The following PEX14 variants were observed in gnomAD, a reference collection of about 807,000 sequenced individuals.
The protein encoded by PEX14 is peroxisomal biogenesis factor 14.
PEX14 carries 15 observed loss-of-function variants against 49.5 expected under a neutral mutation model. The ratio of observed to expected loss-of-function variants is 0.30; its 90% confidence interval spans 0.20 to 0.47. The LOEUF is 0.47. Among genes scored for constraint, PEX14 ranks in the 20% least tolerant of loss-of-function variants. PEX14 has a pLI of 1.00. For missense variants in PEX14, 398 were observed against 494.8 expected (o/e 0.80, Z 1.86); for synonymous variants, 210 against 212.7 (o/e 0.99, Z 0.11).
In PEX14 at chr1:10,476,752, A is replaced by G. The variant is rs574922551; in HGVS notation, c.36+1750A>G. ...GTGATCTGCCCGCCTCAGCCTCCCA[A>G]AGTGCTGAGATTATATGCGTGAGCC... On this transcript the variant is annotated intron_variant, in intron 1 of 8. Coordinates refer to ENST00000356607, the MANE Select transcript of PEX14 (RefSeq NM_004565.3). Among the ~76,000 whole-genome samples the G allele has an allele frequency of 5.5e-4, 84 of 152,158 alleles. No homozygotes were observed. In the Middle Eastern group the frequency reaches 0.01, roughly 18 times the overall value.
intron 2 of PEX14, among the ~76,000 whole-genome samples, chr1:10,505,583 G>A (rs1283429782): frequency 6.6e-6 from 1 of 151,944 alleles, no homozygotes; most frequent in Non-Finnish European, 1.5e-5. Context: ...CCACCGTGTT[G>A]GCCAGGCTGG....
rs1641687369 is a variant in PEX14 at position 10,624,444 on chromosome 1, G to A, written c.585+7G>A. 4 of 1,588,108 alleles carry A rather than the reference G, an allele frequency of 2.5e-6. No individual in the cohort carries two copies. The highest frequency in any genetic ancestry group is 3.5e-6 in the Non-Finnish European group (4 of 1,156,836). On this transcript the variant is annotated splice_region_variant and intron_variant, in intron 7 of 8. Transcript: ENST00000356607. The stretch of plus-strand genomic sequence containing the variant: ...CGAGCTGGCCGCTGCCAAGGTACCT[G>A]TCTCTGCTGCACAGGGCCCTCCAGG...
Position 10,494,991 on chromosome 1 carries a change from C to A in PEX14, c.37-283C>A. 1 of 435,420 alleles carries A rather than the reference C, an allele frequency of 2.3e-6. No homozygotes were observed. The highest frequency in any genetic ancestry group is 3.1e-6 in the Non-Finnish European group (1 of 327,202). 27.0% of individuals were successfully genotyped at this position (435,420 alleles called of 1,614,324 possible). ...GGGATGGTCCCCAGCCCTTGCTGCTCAGTAGGTGATCGTGGGCCTTCCTGA... is the reference window on the plus strand; with the variant it reads ...GGGATGGTCCCCAGCCCTTGCTGCTAAGTAGGTGATCGTGGGCCTTCCTGA... On this transcript the variant is annotated intron_variant, in intron 1 of 8. Transcript: ENST00000356607. This position sits in a 1 kb window ranked among gnomAD's most constrained non-coding sequence, Gnocchi z 4.3.
intron 5 of PEX14, 25 bp downstream of exon 5, chr1:10,618,442 G>GGGCACAGCACC: frequency 1.3e-6 from 2 of 1,564,586 alleles, no homozygotes; most frequent in Non-Finnish European, 1.8e-6. Context: ...GCGGCTGCAG[G>GGGCACAGCACC]TGCTGTGCCC....
chr1:10,617,848 A>C (rs1570358395), intron 4 of PEX14, among the ~76,000 whole-genome samples: 1 of 146,692 alleles, frequency 6.8e-6, no homozygotes, highest in African/African-American at 2.5e-5. Context: ...CCGTGCCCCC[A>C]CCCAGCGTAC....
chr1:10,503,723 TTTTTCTTTTTTCTTTTC>T (rs1641729189), intron 2 of PEX14, among the ~76,000 whole-genome samples: 1 of 151,642 alleles, frequency 6.6e-6, no homozygotes, highest in African/African-American at 2.4e-5. Context: ...AGGATAACCT[TTTTTCTTTTTTCTTTTC>T]TTTTCTTTTT....
At chr1:10,503,409 G>A (rs1290444948) in intron 2 of PEX14, among the ~76,000 whole-genome samples, 2 of 151,092 alleles carry the variant, frequency 1.3e-5, no homozygotes, top group African/African-American at 4.9e-5. Flanking sequence ...CAAACTGGGG[G>A]CTTTTAGATT....
intron 3 of PEX14, 78 bp downstream of exon 3, chr1:10,536,375 C>A: frequency 1.1e-6 from 1 of 923,066 alleles, no homozygotes; most frequent in Non-Finnish European, 1.8e-6. Flanking sequence ...CGGTGCAAGG[C>A]AGGTGCTGAG....
intron 1 of PEX14, among the ~76,000 whole-genome samples, chr1:10,491,902 C>T (rs1468905425): frequency 6.6e-6 from 1 of 152,000 alleles, no homozygotes; most frequent in Non-Finnish European, 1.5e-5. Context: ...AGGCTCATCT[C>T]TAACTCCCGG....
At chr1:10,561,222 T>C (rs1400846697) in intron 3 of PEX14, among the ~76,000 whole-genome samples, 1 of 152,234 alleles carries the variant, frequency 6.6e-6, no homozygotes, top group Non-Finnish European at 1.5e-5. Flanking sequence ...ACTAATTCCA[T>C]AAGATCATCT....
chr1:10,499,849 T>A (rs184911318), intron 2 of PEX14, among the ~76,000 whole-genome samples: 50 of 152,328 alleles, frequency 3.3e-4, no homozygotes, highest in African/African-American at 1.0e-3. Context: ...AAAATAAAGA[T>A]GCTCTGCAGT....
chr1:10,491,670 GCTC>G (rs1641476125), intron 1 of PEX14, among the ~76,000 whole-genome samples: 1 of 132,996 alleles, frequency 7.5e-6, no homozygotes, highest in Non-Finnish European at 1.6e-5. Flanking sequence ...ACTTGGCCAT[GCTC>G]CTTTTTTTTT....
At chr1:10,544,010 G>A (rs528766415) in intron 3 of PEX14, among the ~76,000 whole-genome samples, 17 of 152,312 alleles carry the variant, frequency 1.1e-4, no homozygotes, top group African/African-American at 3.1e-4. Flanking sequence ...TGCTGAGTCC[G>A]TCTTCAGGTG....
At chr1:10,488,488 A>T (rs907435016) in intron 1 of PEX14, among the ~76,000 whole-genome samples, 20 of 149,708 alleles carry the variant, frequency 1.3e-4, no homozygotes, top group Admixed American at 1.1e-3. Context: ...TATACTTTTC[A>T]TGTCTAGAAA....
intron 3 of PEX14, among the ~76,000 whole-genome samples, chr1:10,564,027 G>A (rs1639732674): frequency 6.6e-6 from 1 of 151,936 alleles, no homozygotes; most frequent in East Asian, 1.9e-4. Flanking sequence ...GCAGCTTTTA[G>A]ATTTTTTTCT....
At chr1:10,487,259 T>C (rs1028141622) in intron 1 of PEX14, among the ~76,000 whole-genome samples, 1 of 151,692 alleles carries the variant, frequency 6.6e-6, no homozygotes, top group African/African-American at 2.4e-5. Context: ...ATAGTTTTTT[T>C]GTATGTGGAT....
chr1:10,504,442 A>G (rs1641743635), intron 2 of PEX14, among the ~76,000 whole-genome samples: 1 of 152,226 alleles, frequency 6.6e-6, no homozygotes, highest in African/African-American at 2.4e-5. Flanking sequence ...TACCCCTGTC[A>G]GGAAGAAGAC....
At chr1:10,484,144 C>T (rs1351757949) in intron 1 of PEX14, among the ~76,000 whole-genome samples, 2 of 150,238 alleles carry the variant, frequency 1.3e-5, no homozygotes, top group African/African-American at 2.5e-5. Flanking sequence ...TTCCCCTGCC[C>T]CAGCCTTCCA....
chr1:10,589,619 C>T (rs935963536), intron 3 of PEX14, among the ~76,000 whole-genome samples: 6 of 151,992 alleles, frequency 3.9e-5, no homozygotes, highest in African/African-American at 7.2e-5. Context: ...CACTATGTTG[C>T]CCAGGCTGGT....
Sources: gnomAD v4.1 joint callset for allele counts (sites outside exome capture counted in the v4.1 genomes callset) on GRCh38, gnomAD v4.1.1 for gene constraint, Gnocchi (gnomAD v3.1) non-coding constraint, MANE v1.5 for transcripts, NCBI Gene and HGNC (gene_info 2026-07-23, HGNC 2026-07-21) for gene names.